The following LMOD3 variants were observed in gnomAD, a reference collection of about 807,000 sequenced individuals.
The protein encoded by LMOD3 is leiomodin-3.
LMOD3 carries 31 observed loss-of-function variants against 41.8 expected under a neutral mutation model. The ratio of observed to expected loss-of-function variants is 0.74; its 90% confidence interval spans 0.56 to 1.00. The LOEUF is 1.00. Ranked by LOEUF, LMOD3 falls within the 50% of genes least tolerant of loss-of-function variation. The probability of loss-of-function intolerance (pLI) is 0.00; values close to 1 mark genes in which losing one functional copy is unlikely to be tolerated. For synonymous variants in LMOD3, 292 were observed against 241.9 expected, an observed-to-expected ratio of 1.21 and a Z score of -1.92; for missense variants, 755 against 679.5, an observed-to-expected ratio of 1.11 and a Z score of -1.23.
chr3:69,106,860 A>ATTTT lies in LMOD3; in HGVS notation c.*2231_*2234dup, dbSNP rs1190777851. On this transcript the variant is annotated 3_prime_UTR_variant, in exon 3 of 3. Coordinates refer to ENST00000420581, the MANE Select transcript of LMOD3 (RefSeq NM_198271.5). ...AGCTACCATGCCTGGCTAATTTTGT[A>ATTTT]TTTTTTTTTTTTTTTTTTTTTTTTT... 9.9e-5 allele frequency: 5 copies of ATTTT among 50,710 alleles called. No individual in the cohort carries two copies. The highest frequency in any genetic ancestry group is 2.1e-4 in the Admixed American group (1 of 4,778). 3.1% of individuals were successfully genotyped at this position (50,710 alleles called of 1,614,324 possible).
At chr3:69,118,046 G>C (rs1575877940) in intron 2 of LMOD3, among the ~76,000 whole-genome samples, 2 of 152,184 alleles carry the variant, frequency 1.3e-5, no homozygotes, top group Non-Finnish European at 2.9e-5. Context: ...TGGCCAGAAT[G>C]ATCTTGATCT....
rs903594271 is a variant in LMOD3 at position 69,106,175 on chromosome 3, A to G, written c.*2920T>C. 6.6e-6 allele frequency: 1 copy of G among 152,326 alleles called. No individual in the cohort carries two copies. Among genetic ancestry groups the G allele is most frequent in the Non-Finnish European group, 1.5e-5 (1 of 68,046 alleles). The allele number at this position is 152,326 out of a possible 1,614,324, so 9.4% of individuals were successfully genotyped here. A position where few individuals can be genotyped will look rare whatever the true frequency, so the allele number is the denominator to read the frequency against. On this transcript the variant is annotated 3_prime_UTR_variant, in exon 3 of 3. Transcript: ENST00000420581. ...ACTTCAGCTGTTTCAAATACTGTTT[A>G]GTAAAGCTTGAATACTTTATTAACT...
Position 69,118,797 on chromosome 3 carries a change from G to C in LMOD3, c.1558C>G (p.Pro520Ala), listed in dbSNP as rs764451589. 7 of 1,611,530 alleles carry C rather than the reference G, an allele frequency of 4.3e-6. No homozygotes were observed. The highest frequency in any genetic ancestry group is 5.1e-6 in the Non-Finnish European group (6 of 1,179,374). Residue 520 changes from proline to alanine, a missense_variant, in exon 2 of 3, where the codon CCA becomes GCA. Physicochemically the swap from Pro to Ala is conservative, Grantham distance 27 (BLOSUM62 -1). Transcript: ENST00000420581. ...GGGGGTGGCCTGTTTCTCGGCACTG[G>C]CTTGAGCGTTTTGATGACATCTTTG... ...NLKDVIKTLK[P>A]VPRNRPPPLV... is the part of the protein sequence containing the mutation.
rs1187941176 is a variant in LMOD3 at position 69,106,887 on chromosome 3, T to A, written c.*2208A>T. 8 of 142,178 alleles carry A rather than the reference T, an allele frequency of 5.6e-5. No homozygotes were observed. The South Asian group carries it at 1.3e-3, about 23-fold the overall frequency. 8.8% of individuals were successfully genotyped at this position (142,178 alleles called of 1,614,324 possible). A position where few individuals can be genotyped will look rare whatever the true frequency, so the allele number is the denominator to read the frequency against. Reference sequence around the variant, plus strand: ...TTTTTTTTTTTTTTTTTTTTTTTTTTAGTAGAAATGGGGTTTCACCATGTT... The same window carrying A: ...TTTTTTTTTTTTTTTTTTTTTTTTTAAGTAGAAATGGGGTTTCACCATGTT... On this transcript the variant is annotated 3_prime_UTR_variant, in exon 3 of 3. Transcript: ENST00000420581.
intron 2 of LMOD3, among the ~76,000 whole-genome samples, chr3:69,117,746 C>A (rs562225140): frequency 6.6e-6 from 1 of 152,020 alleles, no homozygotes; most frequent in South Asian, 2.1e-4. Context: ...CAATTTCGAA[C>A]AGTCTCTCTT....
chr3:69,119,356 A>G lies in LMOD3; in HGVS notation c.999T>C (p.Cys333=). The G allele has an allele frequency of 1.9e-6, 3 of 1,613,800 alleles. No individual in the cohort carries two copies. The highest frequency in any genetic ancestry group is 2.5e-6 in the Non-Finnish European group (3 of 1,179,848). Residue 333 remains cysteine (C), a synonymous_variant, in exon 2 of 3, where the codon TGT becomes TGC. Coordinates refer to ENST00000420581, the MANE Select transcript of LMOD3 (RefSeq NM_198271.5). ...CAGTTAGCGTCTCATTAAACTGGAG[A>G]CACCTCATGATGGCCACAATCCCTT... ...TGKGIVAIMR[C]LQFNETLTEL...
rs1016275802 is a variant in LMOD3, at chr3:69,119,681, G to A, written c.674C>T (p.Thr225Ile). ...CCTTGTACTTACCTTCAAAAAGCTG[G>A]TGTCTAGAGCTAACTTCTTAGGATC... ...KLDPKKLALDTSFLKVSTRPS... is the reference protein window; with the variant it reads ...KLDPKKLALDISFLKVSTRPS... Residue 225 changes from threonine to isoleucine, a missense_variant, in exon 2 of 3, where the codon ACC (threonine) becomes ATC (isoleucine). By Grantham distance (89) the Thr-to-Ile change is moderately conservative. Coordinates refer to ENST00000420581, the MANE Select transcript of LMOD3 (RefSeq NM_198271.5). 3.1e-6 allele frequency: 5 copies of A among 1,613,886 alleles called. No homozygotes were observed. Among genetic ancestry groups the A allele is most frequent in the South Asian group, 2.2e-5 (2 of 91,074 alleles).
Position 69,122,453 on chromosome 3 carries a change from A to G in LMOD3, c.-67T>C. On this transcript the variant is annotated 5_prime_UTR_variant, in exon 1 of 3. Transcript: ENST00000420581. ...CAAAGATGATTTTTAAAAAGAAGGAAAAAAGCCTCAAGAAGGTCCCCCAGT... is the reference window on the plus strand; with the variant it reads ...CAAAGATGATTTTTAAAAAGAAGGAGAAAAGCCTCAAGAAGGTCCCCCAGT... The G allele has an allele frequency of 8.1e-7, 1 of 1,239,394 alleles. No homozygotes were observed. Among genetic ancestry groups the G allele is most frequent in the East Asian group, 2.5e-5 (1 of 39,342 alleles). The allele number at this position is 1,239,394 out of a possible 1,614,324, so 76.8% of individuals were successfully genotyped here. A position where few individuals can be genotyped will look rare whatever the true frequency, so the allele number is the denominator to read the frequency against.
At chr3:69,120,709 A>G (rs2092403547) in intron 1 of LMOD3, among the ~76,000 whole-genome samples, 2 of 152,094 alleles carry the variant, frequency 1.3e-5, no homozygotes, top group South Asian at 2.1e-4. Context: ...GACAACTGCC[A>G]TGATACTCTG....
At chr3:69,121,017 A>T (rs1015135920) in intron 1 of LMOD3, among the ~76,000 whole-genome samples, 3 of 152,198 alleles carry the variant, frequency 2.0e-5, no homozygotes, top group Admixed American at 1.3e-4. Flanking sequence ...GACAGTGACA[A>T]GTCACCTTAA....
intron 1 of LMOD3, among the ~76,000 whole-genome samples, chr3:69,120,435 C>A (rs1235414145): frequency 6.6e-6 from 1 of 151,024 alleles, no homozygotes; most frequent in Non-Finnish European, 1.5e-5. Flanking sequence ...CCTTATTATT[C>A]CAATATATTA....
Position 69,119,506 on chromosome 3 carries a change from G to T in LMOD3, c.849C>A (p.His283Gln), listed in dbSNP as rs773048057. 1.1e-5 allele frequency: 18 copies of T among 1,613,948 alleles called. No homozygotes were observed. The highest frequency in any genetic ancestry group is 1.4e-5 in the Non-Finnish European group (17 of 1,179,862). Reference sequence around the variant, plus strand: ...CATTGGCTAAACTGAATGTTTTGATGTGCTTGTTTTTCTTCATTGCATTGA... The same window carrying T: ...CATTGGCTAAACTGAATGTTTTGATTTGCTTGTTTTTCTTCATTGCATTGA... ...DFVNAMKKNK[H>Q]IKTFSLANVG... The change falls in exon 2 of 3, where the codon CAC (histidine) becomes CAA (glutamine). Residue 283 changes from histidine (H) to glutamine (Q), a missense_variant. His to Gln is a conservative substitution (Grantham distance 24). Transcript: ENST00000420581.
rs764920392 is a variant in LMOD3 at position 69,115,519 on chromosome 3, A to AC, written c.1656+3179_1656+3180insG. ...ACACACACACACACACACACACACA[A>AC]AACTTTTCTAAGAAAAAAATTTGTT... On this transcript the variant is annotated intron_variant, in intron 2 of 2. Transcript: ENST00000420581. Among the ~76,000 whole-genome samples, 49 of 143,448 alleles carry AC rather than the reference A, an allele frequency of 3.4e-4. No homozygotes were observed. The East Asian group carries it at 4.1e-3, about 12-fold the overall frequency. The allele number at this position is 143,448 out of a possible 152,430, so 94.1% of individuals were successfully genotyped here.
At position 69,119,485 on chromosome 3, in the gene LMOD3, G is replaced by T. The variant is rs1307669561; in HGVS notation, c.870C>A (p.Ala290=). 3 of 1,613,804 alleles carry T rather than the reference G, an allele frequency of 1.9e-6. No homozygotes were observed. In the African/African-American group the frequency reaches 4.0e-5, roughly 22 times the overall value. The change falls in exon 2 of 3, where the codon GCC becomes GCA. Residue 290 remains alanine, a synonymous_variant. Transcript: ENST00000420581. Reference sequence around the variant, plus strand: ...CTACATTCTCATCTGCACCCACATTGGCTAAACTGAATGTTTTGATGTGCT... The same window carrying T: ...CTACATTCTCATCTGCACCCACATTTGCTAAACTGAATGTTTTGATGTGCT... The part of the protein sequence containing the change: ...KNKHIKTFSL[A]NVGADENVAF...
At chr3:69,114,240 T>C (rs182926740) in intron 2 of LMOD3, among the ~76,000 whole-genome samples, 2 of 152,328 alleles carry the variant, frequency 1.3e-5, no homozygotes, top group Non-Finnish European at 2.9e-5. Flanking sequence ...TTTTTTTGCA[T>C]GTGACATTCA....
Position 69,119,611 on chromosome 3 carries a change from A to T in LMOD3, c.744T>A (p.Val248=), listed in dbSNP as rs1047754733. The T allele has an allele frequency of 5.6e-6, 9 of 1,613,578 alleles. No individual in the cohort carries two copies. In the African/African-American group the frequency reaches 1.2e-4, roughly 22 times the overall value. ...CCTTCATGTCAGGATCATTTTTCCT[A>T]ACTCTCCTCAAGCTCCCATCCAGGT... is the stretch of plus-strand genomic sequence containing the variant. ...QTDLDGSLRR[V]RKNDPDMKEL... Residue 248 remains valine, a synonymous_variant, in exon 2 of 3, where the codon GTT becomes GTA. Coordinates refer to ENST00000420581, the MANE Select transcript of LMOD3 (RefSeq NM_198271.5).
rs1359294363 is a variant in LMOD3 at position 69,108,856 on chromosome 3, T to C, written c.*239A>G. On this transcript the variant is annotated 3_prime_UTR_variant, in exon 3 of 3. Coordinates refer to ENST00000420581, the MANE Select transcript of LMOD3 (RefSeq NM_198271.5). ...ATTTCACCTGAGTCACTCAAATTGATTGCAAGTAGAAAATATTGCCTCTAA... is the reference window on the plus strand; with the variant it reads ...ATTTCACCTGAGTCACTCAAATTGACTGCAAGTAGAAAATATTGCCTCTAA... 4 of 390,662 alleles carry C rather than the reference T, an allele frequency of 1.0e-5. No homozygotes were observed. The highest frequency in any genetic ancestry group is 8.3e-5 in the African/African-American group (4 of 48,234). 24.2% of individuals were successfully genotyped at this position (390,662 alleles called of 1,614,324 possible).
intron 2 of LMOD3, among the ~76,000 whole-genome samples, chr3:69,114,442 AT>A (rs78966611): frequency 0.039 from 5,906 of 152,174 alleles, 339 homozygotes; most frequent in East Asian, 0.27. Flanking sequence ...ATTTTCCTTT[AT>A]TTTTTTGCCA....
Position 69,107,465 on chromosome 3 carries a change from T to C in LMOD3, c.*1630A>G, listed in dbSNP as rs1230722765. On this transcript the variant is annotated 3_prime_UTR_variant, in exon 3 of 3. Transcript: ENST00000420581. ...AAAGGCACCAAAGGTTTTTTTTTTTTTTTTTTTTTTTTTTTTTTTTTTTTT... is the reference window on the plus strand; with the variant it reads ...AAAGGCACCAAAGGTTTTTTTTTTTCTTTTTTTTTTTTTTTTTTTTTTTTT... 1.1e-5 allele frequency: 1 copy of C among 92,570 alleles called. No homozygotes were observed. Among genetic ancestry groups the C allele is most frequent in the African/African-American group, 5.4e-5 (1 of 18,676 alleles). The allele number at this position is 92,570 out of a possible 1,614,324, so 5.7% of individuals were successfully genotyped here.
Sources: gnomAD v4.1 joint callset for allele counts (sites outside exome capture counted in the v4.1 genomes callset) on GRCh38, gnomAD v4.1.1 for gene constraint, MANE v1.5 for transcripts, NCBI Gene and HGNC (gene_info 2026-07-23, HGNC 2026-07-21) for gene names.